Variants in GALNT9 observed in about 807,000 individuals in gnomAD.
GALNT9 encodes polypeptide N-acetylgalactosaminyltransferase 9.
GALNT9 carries 47 observed loss-of-function variants against 63.1 expected under a neutral mutation model. The observed-to-expected ratio is 0.75, with a 90% CI of 0.59 to 0.95. The LOEUF (loss-of-function observed/expected upper bound fraction) is 0.95, where lower values mean the gene tolerates loss of function less well. Ranked by LOEUF, GALNT9 falls within the 40% of genes least tolerant of loss-of-function variation. The pLI is 0.00. For synonymous variants in GALNT9, 396 were observed against 365.7 expected (o/e 1.08, Z -0.94); for missense variants, 829 against 874.8 (o/e 0.95, Z 0.66).
Position 132,282,448 on chromosome 12 carries a change from C to T in GALNT9, c.419+3802G>A, listed in dbSNP as rs145648007. Among the ~76,000 whole-genome samples the T allele has an allele frequency of 1.5e-3, 228 of 152,226 alleles. 1 individual carries two copies. The highest frequency in any genetic ancestry group is 2.8e-3 in the Non-Finnish European group (193 of 68,006). ...GTGTGTGCGTGCATGCGTGTGTGTG[C>T]GTGTGCATGTGTGTGTGCACGCATG... On this transcript the variant is annotated intron_variant, in intron 2 of 10. Transcript: ENST00000328957. This position sits in a 1 kb window ranked among gnomAD's most constrained non-coding sequence, Gnocchi z 4.5.
intron 6 of GALNT9, among the ~76,000 whole-genome samples, chr12:132,205,017 C>T (rs376958309): frequency 1.3e-5 from 2 of 152,136 alleles, no homozygotes; most frequent in East Asian, 3.9e-4. Context: ...GGTGCCGAGG[C>T]CGAGGGTGGT....
intron 6 of GALNT9, among the ~76,000 whole-genome samples, chr12:132,247,174 C>T (rs113803609): frequency 0.033 from 5,005 of 150,878 alleles, 222 homozygotes; most frequent in African/African-American, 0.099. Flanking sequence ...GGCAGAAGCC[C>T]GGCCCAGCTC....
intron 1 of GALNT9, among the ~76,000 whole-genome samples, chr12:132,292,977 G>T (rs184935487): frequency 6.6e-6 from 1 of 152,206 alleles, no homozygotes; most frequent in South Asian, 2.1e-4. Context: ...GGTCCAGAAC[G>T]CACATCCCTA....
At chr12:132,267,877 A>G (rs1879692419) in intron 2 of GALNT9, among the ~76,000 whole-genome samples, 1 of 141,094 alleles carries the variant, frequency 7.1e-6, no homozygotes, top group African/African-American at 3.1e-5. Context: ...CATACAACCC[A>G]CATGCACTCA....
At chr12:132,326,079 G>A (rs1869024175) in intron 1 of GALNT9, among the ~76,000 whole-genome samples, 1 of 152,238 alleles carries the variant, frequency 6.6e-6, no homozygotes, top group African/African-American at 2.4e-5. Context: ...AGAGAAAGTG[G>A]GGGCTCTTTG....
chr12:132,304,614 C>G (rs368455317), intron 1 of GALNT9, among the ~76,000 whole-genome samples: 1 of 30,654 alleles, frequency 3.3e-5, no homozygotes, highest in African/African-American at 1.7e-4. Flanking sequence ...CAGCCTCACC[C>G]GGGCACAGCC....
intron 1 of GALNT9, among the ~76,000 whole-genome samples, chr12:132,307,727 G>C (rs1181527417): frequency 4.1e-5 from 6 of 146,832 alleles, no homozygotes. Context: ...TCAGCTACTC[G>C]GGAGGCTGAG....
chr12:132,297,493 T>G (rs1388412435), intron 1 of GALNT9, among the ~76,000 whole-genome samples: 1 of 146,700 alleles, frequency 6.8e-6, no homozygotes, highest in African/African-American at 2.5e-5. Flanking sequence ...CTGAGATGAC[T>G]GAGTCTCTCC....
intron 2 of GALNT9, among the ~76,000 whole-genome samples, chr12:132,271,074 A>G (rs1555240679): frequency 6.6e-6 from 1 of 152,198 alleles, no homozygotes; most frequent in African/African-American, 2.4e-5. Flanking sequence ...CTGCTTCTCC[A>G]TGACAGACGC....
intron 6 of GALNT9, among the ~76,000 whole-genome samples, chr12:132,247,148 G>A (rs188586273): frequency 2.0e-5 from 3 of 147,766 alleles, no homozygotes; most frequent in South Asian, 2.2e-4. Flanking sequence ...AGCCTCACAC[G>A]GACACGGTCC....
chr12:132,216,187 CAGAGACATG>C (rs1017607833), intron 6 of GALNT9, among the ~76,000 whole-genome samples: 8 of 151,992 alleles, frequency 5.3e-5, no homozygotes, highest in Admixed American at 3.9e-4. Flanking sequence ...AGACATAAGA[CAGAGACATG>C]AGAGACAGAC....
chr12:132,305,326 C>T (rs1593117482), intron 1 of GALNT9, among the ~76,000 whole-genome samples: 1 of 48,516 alleles, frequency 2.1e-5, no homozygotes, highest in Admixed American at 2.2e-4. Flanking sequence ...CCCAGACACG[C>T]CCTCACCCAG....
rs915484478 is a variant in GALNT9, at chr12:132,228,332, G to C, written c.1077+19578C>G. ...TCCCTTTCCCTGAGTGTGGGTGGCG[G>C]GGCGGCCCGTCAGCACCTCCTCGCT... On this transcript the variant is annotated intron_variant, in intron 6 of 10. Coordinates refer to ENST00000328957, the MANE Select transcript of GALNT9 (RefSeq NM_001122636.2). 3.0e-3 allele frequency among the ~76,000 whole-genome samples: 453 copies of C among 148,800 alleles called. 1 individual carries two copies. The highest frequency in any genetic ancestry group is 0.011 in the African/African-American group (433 of 40,146).
chr12:132,236,190 C>G lies in GALNT9; in HGVS notation c.1077+11720G>C, dbSNP rs1167325691. ...CAAGGTCAGACGGGCCTTTCAAATA[C>G]AAGCAAATGCCAGCCTCCCTCCCCC... On this transcript the variant is annotated intron_variant, in intron 6 of 10. Coordinates refer to ENST00000328957, the MANE Select transcript of GALNT9 (RefSeq NM_001122636.2). The surrounding 1 kb of genome is among the most constrained non-coding windows in gnomAD (Gnocchi z 5.6). Among the ~76,000 whole-genome samples the G allele has an allele frequency of 6.6e-6, 1 of 152,132 alleles. No individual in the cohort carries two copies. The highest frequency in any genetic ancestry group is 1.9e-4 in the East Asian group (1 of 5,180).
At chr12:132,240,737 T>A in intron 6 of GALNT9, 1 of 455,832 alleles carries the variant, frequency 2.2e-6, no homozygotes, top group Admixed American at 2.4e-5. Flanking sequence ...TCCTGGGAAG[T>A]TACCAGAACC....
chr12:132,229,616 C>T (rs1444876543), intron 6 of GALNT9, among the ~76,000 whole-genome samples: 7 of 152,216 alleles, frequency 4.6e-5, no homozygotes, highest in African/African-American at 7.2e-5. Context: ...GGAGAGAGGC[C>T]GCCTGTGCCT....
chr12:132,303,731 ACCCAGACACAC>A (rs1881426391), intron 1 of GALNT9, among the ~76,000 whole-genome samples: 1 of 41,776 alleles, frequency 2.4e-5, no homozygotes. Flanking sequence ...GCACACCCTC[ACCCAGACACAC>A]CCTCACCCGG....
chr12:132,283,032 G>C (rs1399231676), intron 2 of GALNT9: 2 of 152,286 alleles, frequency 1.3e-5, no homozygotes, highest in African/African-American at 4.8e-5. Flanking sequence ...CGAACCTCGG[G>C]GGGACGCAGA....
rs1876377207 is a variant in GALNT9 at position 132,203,605 on chromosome 12, T to C, written c.1163A>G (p.Asp388Gly). 6.2e-7 allele frequency: 1 copy of C among 1,613,882 alleles called. No individual in the cohort carries two copies. Among genetic ancestry groups the C allele is most frequent in the East Asian group, 2.2e-5 (1 of 44,856 alleles). Residue 388 changes from aspartate (D) to glycine (G), a missense_variant, in exon 7 of 11, where the codon GAC becomes GGC. By Grantham distance (94) the Asp-to-Gly change is moderately conservative (BLOSUM62 -1). Transcript: ENST00000328957. The stretch of plus-strand genomic sequence containing the variant: ...GTTGCGCTTGGCATAGTAGTCAATG[T>C]CGTTGTTGTAGGGCTTCCTGGTGCG... ...IERTRKPYNNDIDYYAKRNAL... is the reference protein window; with the variant it reads ...IERTRKPYNNGIDYYAKRNAL...
Sources: gnomAD v4.1 joint callset for allele counts (sites outside exome capture counted in the v4.1 genomes callset) on GRCh38, gnomAD v4.1.1 for gene constraint, Gnocchi (gnomAD v3.1) non-coding constraint, MANE v1.5 for transcripts, NCBI Gene and HGNC (gene_info 2026-07-23, HGNC 2026-07-21) for gene names.